PIK3C2B: variants seen among roughly 807,000 people sequenced by gnomAD.
PIK3C2B encodes the protein phosphatidylinositol-4-phosphate 3-kinase catalytic subunit type 2 beta.
PIK3C2B carries 83 observed loss-of-function variants against 184.3 expected under a neutral mutation model. The ratio of observed to expected loss-of-function variants is 0.45; its 90% confidence interval spans 0.38 to 0.54. The LOEUF (loss-of-function observed/expected upper bound fraction) is 0.54. Ranked by LOEUF, PIK3C2B falls within the 20% of genes least tolerant of loss-of-function variation. The pLI is 0.00. For missense variants in PIK3C2B, 1,736 were observed against 2,113.5 expected, an observed-to-expected ratio of 0.82 and a Z score of 3.50; for synonymous variants, 779 against 837.6, an observed-to-expected ratio of 0.93 and a Z score of 1.21.
chr1:204,428,271 T>A (rs749375871), intron 29 of PIK3C2B, 51 bp from the exon 30 acceptor site: 4 of 1,129,904 alleles, frequency 3.5e-6, no homozygotes, highest in Non-Finnish European at 5.4e-6. Flanking sequence ...AATGGCCCAA[T>A]ACAAAAAGGA....
intron 1 of PIK3C2B, among the ~76,000 whole-genome samples, chr1:204,472,109 G>T (rs1656335173): frequency 6.6e-6 from 1 of 151,990 alleles, no homozygotes; most frequent in Non-Finnish European, 1.5e-5. Flanking sequence ...TAACGACAAG[G>T]TCAGTCTGGC....
chr1:204,458,258 GAATT>G (rs1248858177), intron 8 of PIK3C2B, among the ~76,000 whole-genome samples: 3 of 152,000 alleles, frequency 2.0e-5, no homozygotes, highest in African/African-American at 4.8e-5. Flanking sequence ...CTCCCCTCTG[GAATT>G]ATGCTCCTGG....
rs61761714 is a variant in PIK3C2B, at chr1:204,461,489, G to A, written c.1311-828C>T. Among the ~76,000 whole-genome samples the A allele has an allele frequency of 7.1e-3, 1,076 of 152,298 alleles. 9 individuals carry two copies. The highest frequency in any genetic ancestry group is 0.024 in the African/African-American group (994 of 41,548). On this transcript the variant is annotated intron_variant, in intron 5 of 32. Transcript: ENST00000684373. ...CCTCAGCAGCTGGGTAACAGAAGCC[G>A]GAAAAGGACTTCCTTCCTCAGCAGA...
intron 22 of PIK3C2B, among the ~76,000 whole-genome samples, chr1:204,439,701 C>G (rs1675541549): frequency 6.6e-6 from 1 of 152,212 alleles, no homozygotes; most frequent in Non-Finnish European, 1.5e-5. Context: ...GTGGCACCAT[C>G]ATGGCTTACT....
At chr1:204,451,181 G>C (rs573424490) in intron 12 of PIK3C2B, among the ~76,000 whole-genome samples, 50 of 152,344 alleles carry the variant, frequency 3.3e-4, no homozygotes, top group Non-Finnish European at 3.8e-4. Flanking sequence ...GACAAAGCAC[G>C]GCTGCTGAGC....
At position 204,431,497 on chromosome 1, in the gene PIK3C2B, T is replaced by G. The variant is rs1311562968; in HGVS notation, c.4280+172A>C. 9.6e-6 allele frequency: 7 copies of G among 726,602 alleles called. No homozygotes were observed. The East Asian group carries it at 1.3e-4, about 14-fold the overall frequency. 45.0% of individuals were successfully genotyped at this position (726,602 alleles called of 1,614,324 possible). A position where few individuals can be genotyped will look rare whatever the true frequency, so the allele number is the denominator to read the frequency against. On this transcript the variant is annotated intron_variant, in intron 28 of 32. Coordinates refer to ENST00000684373, the MANE Select transcript of PIK3C2B (RefSeq NM_001377334.1). ...GAGAGCTCTTGCGTGCAAGGAGAGCTTGGCCAGCAGGGGGAGCACTTGTCA... is the reference window on the plus strand; with the variant it reads ...GAGAGCTCTTGCGTGCAAGGAGAGCGTGGCCAGCAGGGGGAGCACTTGTCA...
In PIK3C2B at chr1:204,454,745, C is replaced by G. The variant is rs1358035819; in HGVS notation, c.1990G>C (p.Glu664Gln). The G allele has an allele frequency of 6.2e-7, 1 of 1,613,576 alleles. No individual in the cohort carries two copies. Among genetic ancestry groups the G allele is most frequent in the Non-Finnish European group, 8.5e-7 (1 of 1,179,998 alleles). Residue 664 changes from glutamate to glutamine, a missense_variant, in exon 12 of 33, where the codon GAG becomes CAG. Physicochemically the swap from Glu to Gln is conservative, Grantham distance 29. This residue lies in a region of PIK3C2B where 609 missense variants were observed against 699.2 expected (regional missense o/e 0.87). Transcript: ENST00000684373. ...LSCSLSHGGK[E>Q]LCSPLQTRRA... ...CGGGTCTGCAGGGGGCTGCACAGCT[C>G]CTTGCCGCCATGGCTGAGGGAGCAG...
At chr1:204,440,132 G>T in intron 22 of PIK3C2B, 60 bp downstream of exon 22, 2 of 1,531,818 alleles carry the variant, frequency 1.3e-6, no homozygotes, top group Non-Finnish European at 8.8e-7. Flanking sequence ...TTGGCAATGG[G>T]CAGAAGGACA....
chr1:204,489,909 C>T (rs1429156612), intron 1 of PIK3C2B: 6 of 395,366 alleles, frequency 1.5e-5, no homozygotes, highest in Non-Finnish European at 2.2e-5. Flanking sequence ...TTATAACTTA[C>T]GGTTTGCTGC....
At chr1:204,474,150 C>T (rs964840745) in intron 1 of PIK3C2B, among the ~76,000 whole-genome samples, 2 of 152,174 alleles carry the variant, frequency 1.3e-5, no homozygotes, top group Non-Finnish European at 2.9e-5. Flanking sequence ...CGCCACCACG[C>T]GCAGCTAATT....
At chr1:204,445,690 G>C (rs1002474998) in intron 16 of PIK3C2B, among the ~76,000 whole-genome samples, 3 of 151,792 alleles carry the variant, frequency 2.0e-5, no homozygotes, top group Non-Finnish European at 4.4e-5. Context: ...CCAGCACACA[G>C]AGCAAATGCT....
In PIK3C2B at chr1:204,433,310, T is replaced by G; in HGVS notation, c.3953+6A>C. 1 of 1,458,460 alleles carries G rather than the reference T, an allele frequency of 6.9e-7. No individual in the cohort carries two copies. Among genetic ancestry groups the G allele is most frequent in the Non-Finnish European group, 9.6e-7 (1 of 1,038,902 alleles). 90.3% of individuals were successfully genotyped at this position (1,458,460 alleles called of 1,614,324 possible). On this transcript the variant is annotated splice_donor_region_variant and intron_variant, in intron 26 of 32. Coordinates refer to ENST00000684373, the MANE Select transcript of PIK3C2B (RefSeq NM_001377334.1). The surrounding 1 kb of genome is among the most constrained non-coding windows in gnomAD (Gnocchi z 5.0). Reference sequence around the variant, plus strand: ...CAGTGCTGATTCGCTCAGGGAATCATTTTACCTAGTGAAGTAGGTAGTGGC... The same window carrying G: ...CAGTGCTGATTCGCTCAGGGAATCAGTTTACCTAGTGAAGTAGGTAGTGGC...
chr1:204,465,165 C>T, intron 3 of PIK3C2B, 54 bp downstream of exon 3: 1 of 743,752 alleles, frequency 1.3e-6, no homozygotes, highest in South Asian at 1.4e-5. Context: ...TGGATGGCCC[C>T]CCTCCCCATC....
At chr1:204,450,601 A>G (rs1654269053) in intron 12 of PIK3C2B, among the ~76,000 whole-genome samples, 1 of 151,858 alleles carries the variant, frequency 6.6e-6, no homozygotes, top group Admixed American at 6.6e-5. Flanking sequence ...CCCCACCCCC[A>G]AACAGCTTCA....
intron 32 of PIK3C2B, 105 bp from the exon 33 acceptor site, chr1:204,425,145 C>A: frequency 1.1e-6 from 1 of 870,034 alleles, no homozygotes; most frequent in South Asian, 1.6e-5. Flanking sequence ...GCTGATCCAG[C>A]TGAGGCTAGC....
intron 12 of PIK3C2B, among the ~76,000 whole-genome samples, chr1:204,453,012 G>C (rs571148746): frequency 8.5e-5 from 13 of 152,094 alleles, no homozygotes; most frequent in African/African-American, 3.1e-4. Flanking sequence ...GCATGAGAAA[G>C]GGTCCATTTT....
chr1:204,436,725 A>G (rs931273500), intron 23 of PIK3C2B, among the ~76,000 whole-genome samples: 8 of 152,332 alleles, frequency 5.3e-5, no homozygotes, highest in Middle Eastern at 3.4e-3. Flanking sequence ...TTATTTCCAT[A>G]CATTTACACA....
chr1:204,469,082 T>C lies in PIK3C2B; in HGVS notation c.721A>G (p.Lys241Glu). 6.2e-7 allele frequency: 1 copy of C among 1,614,156 alleles called. No homozygotes were observed. Among genetic ancestry groups the C allele is most frequent in the Non-Finnish European group, 8.5e-7 (1 of 1,180,020 alleles). ...INDAITRLNL[K>E]STYDAEMLRD... is the part of the protein sequence containing the mutation. Reference sequence around the variant, plus strand: ...AACATCTCCGCATCATAGGTCGATTTCAAGTTGAGCCTAGTAATTGCATCA... The same window carrying C: ...AACATCTCCGCATCATAGGTCGATTCCAAGTTGAGCCTAGTAATTGCATCA... Residue 241 changes from lysine (K) to glutamate (E), a missense_variant, in exon 2 of 33, where the codon AAA becomes GAA. Lys to Glu is a moderately conservative substitution (Grantham distance 56). Coordinates refer to ENST00000684373, the MANE Select transcript of PIK3C2B (RefSeq NM_001377334.1).
At chr1:204,478,627 A>G (rs1468397102) in intron 1 of PIK3C2B, among the ~76,000 whole-genome samples, 1 of 152,186 alleles carries the variant, frequency 6.6e-6, no homozygotes, top group Admixed American at 6.5e-5. Flanking sequence ...AAGACAAAAT[A>G]ACAGCTTGTG....
Sources: gnomAD v4.1 joint callset for allele counts (sites outside exome capture counted in the v4.1 genomes callset) on GRCh38, gnomAD v4.1.1 for gene constraint, gnomAD v4.1.1 regional missense constraint, Gnocchi (gnomAD v3.1) non-coding constraint, MANE v1.5 for transcripts, NCBI Gene and HGNC (gene_info 2026-07-23, HGNC 2026-07-21) for gene names.